The following PCDHA10 variants were observed in gnomAD, a reference collection of about 807,000 sequenced individuals.
The protein encoded by PCDHA10 is protocadherin alpha 10, also known as protocadherin alpha-10.
Under a neutral mutation model 61.2 loss-of-function variants are expected in PCDHA10, and 45 were observed. The observed-to-expected ratio is 0.74, with a 90% CI of 0.58 to 0.94. The LOEUF (loss-of-function observed/expected upper bound fraction) is 0.94. Ranked by LOEUF, PCDHA10 falls within the 40% of genes least tolerant of loss-of-function variation. The pLI is 0.00. For missense variants in PCDHA10, 1,278 were observed against 1,236.2 expected (o/e 1.03, Z -0.51); for synonymous variants, 602 against 548.8 (o/e 1.10, Z -1.35).
At chr5:140,942,467 A>C (rs1428565418) in intron 1 of PCDHA10, among the ~76,000 whole-genome samples, 1 of 152,142 alleles carries the variant, frequency 6.6e-6, no homozygotes, top group Non-Finnish European at 1.5e-5. Context: ...AATACAATCA[A>C]ATTCAAGCTA....
At chr5:140,870,456 G>A (rs782212198) in intron 1 of PCDHA10, 15 of 1,614,110 alleles carry the variant, frequency 9.3e-6, no homozygotes, top group South Asian at 5.5e-5. Flanking sequence ...ACGACAATGC[G>A]CCTGCGTTCG....
chr5:140,891,604 C>T (rs1554184885), intron 1 of PCDHA10, among the ~76,000 whole-genome samples: 2 of 152,172 alleles, frequency 1.3e-5, no homozygotes, highest in African/African-American at 4.8e-5. Flanking sequence ...CCATCTATTT[C>T]TACCTTTTAT....
chr5:141,001,164 A>T (rs2097995699), intron 3 of PCDHA10, among the ~76,000 whole-genome samples: 1 of 152,102 alleles, frequency 6.6e-6, no homozygotes, highest in East Asian at 1.9e-4. Context: ...AATAAGTAAA[A>T]TTTAACGAGT....
rs116814228 is a variant in PCDHA10, at chr5:140,916,284, C to T, written c.2388+57848C>T. ...AGAGCATGCTTGTTGCTCTACTCCACGTGGCCAAACTGGTACCAAAGGTGC... is the reference window on the plus strand; with the variant it reads ...AGAGCATGCTTGTTGCTCTACTCCATGTGGCCAAACTGGTACCAAAGGTGC... On this transcript the variant is annotated intron_variant, in intron 1 of 3. Coordinates refer to ENST00000307360, the MANE Select transcript of PCDHA10 (RefSeq NM_018901.4). Among the ~76,000 whole-genome samples the T allele has an allele frequency of 8.7e-3, 1,322 of 152,308 alleles. 14 individuals carry two copies. The highest frequency in any genetic ancestry group is 0.03 in the African/African-American group (1,254 of 41,566).
chr5:140,913,125 C>G (rs1164527264), intron 1 of PCDHA10, among the ~76,000 whole-genome samples: 1 of 152,132 alleles, frequency 6.6e-6, no homozygotes, highest in Non-Finnish European at 1.5e-5. Context: ...AAGTTAACCC[C>G]TCCTCTACTT....
intron 1 of PCDHA10, among the ~76,000 whole-genome samples, chr5:140,925,082 AAAGGAAGG>A (rs138596875): frequency 4.1e-5 from 6 of 147,388 alleles, no homozygotes; most frequent in Admixed American, 1.3e-4. Flanking sequence ...GCTCATCTGG[AAAGGAAGG>A]AAGGAAGGAA....
At chr5:140,920,638 G>T (rs1245142321) in intron 1 of PCDHA10, among the ~76,000 whole-genome samples, 2 of 152,114 alleles carry the variant, frequency 1.3e-5, no homozygotes, top group African/African-American at 4.8e-5. Flanking sequence ...AAGGTCAAGA[G>T]ATTGAGACCA....
At chr5:140,874,633 C>T (rs1399730965) in intron 1 of PCDHA10, among the ~76,000 whole-genome samples, 3 of 152,208 alleles carry the variant, frequency 2.0e-5, no homozygotes, top group African/African-American at 7.2e-5. Flanking sequence ...CATTAAAGTG[C>T]TTTACTTTTG....
chr5:140,870,167 C>A, intron 1 of PCDHA10: 1 of 1,614,134 alleles, frequency 6.2e-7, no homozygotes, highest in East Asian at 2.2e-5. Context: ...ACTTCCTTGT[C>A]CCTCCCAGTA....
chr5:140,907,598 A>G (rs2073483512), intron 1 of PCDHA10, among the ~76,000 whole-genome samples: 1 of 152,198 alleles, frequency 6.6e-6, no homozygotes, highest in Admixed American at 6.5e-5. Context: ...CACCCTGAGG[A>G]ATGGTGCCAT....
intron 1 of PCDHA10, among the ~76,000 whole-genome samples, chr5:140,934,327 T>C (rs1379362644): frequency 1.3e-5 from 2 of 152,152 alleles, no homozygotes; most frequent in African/African-American, 4.8e-5. Flanking sequence ...CAATCATGAA[T>C]GTAATAACCA....
At position 140,857,733 on chromosome 5, in the gene PCDHA10, C is replaced by T. The variant is rs2044837813; in HGVS notation, c.1685C>T (p.Pro562Leu). ...GTGCTGGACGAGAACGACAACGCTCCCGCGCTGCTGGCGTCTCCCGCTGGC... is the reference window on the plus strand; with the variant it reads ...GTGCTGGACGAGAACGACAACGCTCTCGCGCTGCTGGCGTCTCCCGCTGGC... ...VFVLDENDNA[P>L]ALLASPAGSA... The change falls in exon 1 of 4, where the codon CCC becomes CTC. Residue 562 changes from proline (P) to leucine (L), a missense_variant. Coordinates refer to ENST00000307360, the MANE Select transcript of PCDHA10 (RefSeq NM_018901.4). 6.3e-7 allele frequency: 1 copy of T among 1,597,494 alleles called. No homozygotes were observed. The highest frequency in any genetic ancestry group is 8.6e-7 in the Non-Finnish European group (1 of 1,167,724).
intron 1 of PCDHA10, among the ~76,000 whole-genome samples, chr5:140,960,579 C>G (rs2095556928): frequency 6.6e-6 from 1 of 152,052 alleles, no homozygotes; most frequent in South Asian, 2.1e-4. Context: ...AGTTGGAAAA[C>G]AGTTCAAATT....
At chr5:140,991,078 A>T (rs1378051907) in intron 3 of PCDHA10, among the ~76,000 whole-genome samples, 1 of 152,188 alleles carries the variant, frequency 6.6e-6, no homozygotes, top group Non-Finnish European at 1.5e-5. Context: ...TGTTTCAGAT[A>T]AAAAAATTAA....
rs782420102 is a variant in PCDHA10, at chr5:140,857,826, T to A, written c.1778T>A (p.Val593Glu). 1 of 1,597,464 alleles carries A rather than the reference T, an allele frequency of 6.3e-7. No homozygotes were observed. Among genetic ancestry groups the A allele is most frequent in the South Asian group, 1.1e-5 (1 of 90,472 alleles). Reference protein sequence around the residue: ...SVVAGHVVAKVRAVDADSGYN... With the variant: ...SVVAGHVVAKERAVDADSGYN... ...GTTGCGGGTCACGTGGTGGCTAAGG[T>A]GCGCGCAGTGGACGCTGACTCTGGA... The change falls in exon 1 of 4, where the codon GTG (valine) becomes GAG (glutamate). Residue 593 changes from valine to glutamate, a missense_variant. Val to Glu is a moderately radical substitution (Grantham distance 121). Transcript: ENST00000307360.
intron 1 of PCDHA10, among the ~76,000 whole-genome samples, chr5:140,972,712 G>T (rs1409880262): frequency 6.9e-6 from 1 of 144,630 alleles, no homozygotes; most frequent in East Asian, 2.0e-4. Context: ...TTGCCAGGCT[G>T]GAGTGCAGTG....
chr5:140,951,662 G>A (rs1246504133), intron 1 of PCDHA10, among the ~76,000 whole-genome samples: 1 of 152,150 alleles, frequency 6.6e-6, no homozygotes, highest in African/African-American at 2.4e-5. Context: ...ACCAGGGCCT[G>A]CCTACAAAAT....
intron 3 of PCDHA10, among the ~76,000 whole-genome samples, chr5:140,982,945 G>A (rs2097017253): frequency 6.6e-6 from 1 of 151,722 alleles, no homozygotes; most frequent in Non-Finnish European, 1.5e-5. Flanking sequence ...TTTGGTTGAA[G>A]ACTATGGAAA....
chr5:140,999,056 C>T (rs1256829495), intron 3 of PCDHA10, among the ~76,000 whole-genome samples: 4 of 152,212 alleles, frequency 2.6e-5, no homozygotes, highest in Non-Finnish European at 5.9e-5. Context: ...TCCACCATGC[C>T]TAAGTAGTCT....
Sources: gnomAD v4.1 joint callset for allele counts (sites outside exome capture counted in the v4.1 genomes callset) on GRCh38, gnomAD v4.1.1 for gene constraint, MANE v1.5 for transcripts, NCBI Gene and HGNC (gene_info 2026-07-23, HGNC 2026-07-21) for gene names.